The following ACIN1 variants were observed in gnomAD, a reference collection of about 807,000 sequenced individuals.
The protein encoded by ACIN1 is apoptotic chromatin condensation inducer in the nucleus.
Under a neutral mutation model 146.6 loss-of-function variants are expected in ACIN1, and 16 were observed. The ratio of observed to expected loss-of-function variants is 0.11; its 90% CI spans 0.07 to 0.17. The LOEUF (loss-of-function observed/expected upper bound fraction) is 0.17. ACIN1 is among the 10% of genes least tolerant of loss of function. ACIN1 has a pLI of 1.00. For synonymous variants in ACIN1, 569 were observed against 582.7 expected (o/e 0.98, Z 0.34); for missense variants, 1,357 against 1,609.3 (o/e 0.84, Z 2.68).
chr14:23,063,335 T>C (rs943658021), intron 13 of ACIN1, 101 bp downstream of exon 13: 138 of 1,438,648 alleles, frequency 9.6e-5, no homozygotes, highest in Non-Finnish European at 1.2e-4. Flanking sequence ...CGAAAAAATA[T>C]AATGAAAGGC....
At chr14:23,077,287 C>CA (rs928848672) in intron 8 of ACIN1, among the ~76,000 whole-genome samples, 1 of 152,114 alleles carries the variant, frequency 6.6e-6, no homozygotes, top group African/African-American at 2.4e-5. Flanking sequence ...GTTAATATGG[C>CA]ATAAAAACAA....
chr14:23,081,728 T>G lies in ACIN1; in HGVS notation c.525+20A>C. ...AAAGCATTACTGAAGAGGTAATGCT[T>G]TAGGAGGTATCTGAGTTACCTGTCT... On this transcript the variant is annotated intron_variant, in intron 5 of 18. Transcript: ENST00000605057. 1.3e-6 allele frequency: 2 copies of G among 1,587,000 alleles called. No individual in the cohort carries two copies. The highest frequency in any genetic ancestry group is 1.7e-6 in the Non-Finnish European group (2 of 1,160,390).
Position 23,067,716 on chromosome 14 carries a change from C to CTATG in ACIN1, c.2266-1712_2266-1709dup. ...TTTATCGTGAGAGGCAGGCAGGACC[C>CTATG]TATGTCCACCAGTGGCAAGCTGCAG... On this transcript the variant is annotated intron_variant, in intron 9 of 18. Coordinates refer to ENST00000605057, the MANE Select transcript of ACIN1 (RefSeq NM_001386863.1). This position sits in a 1 kb window ranked among gnomAD's most constrained non-coding sequence, Gnocchi z 4.6. The CTATG allele has an allele frequency of 1.1e-5, 11 of 985,918 alleles. No individual in the cohort carries two copies. Among genetic ancestry groups the CTATG allele is most frequent in the Non-Finnish European group, 1.3e-5 (11 of 830,020 alleles). The allele number at this position is 985,918 out of a possible 1,614,324, so 61.1% of individuals were successfully genotyped here. A position where few individuals can be genotyped will look rare whatever the true frequency, so the allele number is the denominator to read the frequency against.
chr14:23,089,450 A>C (rs1274477025), intron 4 of ACIN1, among the ~76,000 whole-genome samples: 1 of 152,204 alleles, frequency 6.6e-6, no homozygotes, highest in Non-Finnish European at 1.5e-5. Context: ...TAATATGCTC[A>C]CATAATACTC....
rs778593239 is a variant in ACIN1 at position 23,079,941 on chromosome 14, T to C, written c.1394A>G (p.Asp465Gly). 7 of 1,614,070 alleles carry C rather than the reference T, an allele frequency of 4.3e-6. No homozygotes were observed. The East Asian group carries it at 8.9e-5, about 21-fold the overall frequency. ...SAQKDLEPES[D>G]RSAQPLPLKI... ...TAGAGGGAGGGGCTGAGCAGATCTG[T>C]CTGACTCAGGTTCAAGATCCTTCTG... Residue 465 changes from aspartate (D) to glycine (G), a missense_variant, in exon 6 of 19, where the codon GAC (aspartate) becomes GGC (glycine). Physicochemically the swap from Asp to Gly is moderately conservative, Grantham distance 94. This residue lies in a region of ACIN1 where 771 missense variants were observed against 746.6 expected (regional missense o/e 1.03). Transcript: ENST00000605057.
At chr14:23,059,856 GT>G (rs200987875) in intron 18 of ACIN1, among the ~76,000 whole-genome samples, 20,749 of 151,280 alleles carry the variant, frequency 0.14, 1,838 homozygotes, top group African/African-American at 0.25. Flanking sequence ...GGGCTTCACC[GT>G]TGTTAGCCAG....
In ACIN1 at chr14:23,072,437, G is replaced by C. The variant is rs895213907; in HGVS notation, c.2124-2820C>G. On this transcript the variant is annotated intron_variant, in intron 8 of 18. Coordinates refer to ENST00000605057, the MANE Select transcript of ACIN1 (RefSeq NM_001386863.1). ...AAGTAGATAAGACAGTGAAGTGAGA[G>C]TGCTGCTATATGGGGCGGGGAAGAT... Among the ~76,000 whole-genome samples the C allele has an allele frequency of 3.3e-5, 5 of 152,168 alleles. No individual in the cohort carries two copies. In the East Asian group the frequency reaches 5.8e-4, roughly 18 times the overall value.
intron 8 of ACIN1, chr14:23,071,249 A>AC: frequency 6.6e-7 from 1 of 1,516,496 alleles, no homozygotes; most frequent in Non-Finnish European, 8.8e-7. Context: ...AAGAAAAAAA[A>AC]CCACACCTTC....
At chr14:23,069,679 G>A (rs1014576971) in intron 8 of ACIN1, 62 bp from the exon 9 acceptor site, 2 of 1,515,212 alleles carry the variant, frequency 1.3e-6, no homozygotes, top group African/African-American at 1.4e-5. Context: ...GGAAGAGAGA[G>A]CAAGATGTTA....
chr14:23,069,691 T>C, intron 8 of ACIN1, 74 bp from the exon 9 acceptor site: 1 of 1,441,422 alleles, frequency 6.9e-7, no homozygotes, highest in Non-Finnish European at 9.5e-7. Context: ...AAGATGTTAG[T>C]TACTGGGTCA....
chr14:23,090,348 T>TC (rs1312395117), intron 3 of ACIN1, among the ~76,000 whole-genome samples, 174 bp downstream of exon 3: 1 of 152,234 alleles, frequency 6.6e-6, no homozygotes, highest in Non-Finnish European at 1.5e-5. Flanking sequence ...TTAAGTGTCC[T>TC]CTTCCCTGAC....
Position 23,079,820 on chromosome 14 carries a change from G to T in ACIN1, c.1515C>A (p.Thr505=). ...EQKEGRRASH[T]LLPSHRLKQS... ...GTTTCAATCTGTGGCTTGGGAGAAGGGTATGAGAAGCTCTTCTGCCTTCCT... is the reference window on the plus strand; with the variant it reads ...GTTTCAATCTGTGGCTTGGGAGAAGTGTATGAGAAGCTCTTCTGCCTTCCT... The change falls in exon 6 of 19, where the codon ACC becomes ACA. Residue 505 remains threonine, a synonymous_variant. Coordinates refer to ENST00000605057, the MANE Select transcript of ACIN1 (RefSeq NM_001386863.1). 1 of 1,614,148 alleles carries T rather than the reference G, an allele frequency of 6.2e-7. No homozygotes were observed. The highest frequency in any genetic ancestry group is 8.5e-7 in the Non-Finnish European group (1 of 1,180,036).
chr14:23,059,238 TCGTTCTCGGTCCCTTTCCCTATCC>T lies in ACIN1; in HGVS notation c.3738_3761del (p.Asp1247_Arg1254del). 1 of 1,613,736 alleles carries T rather than the reference TCGTTCTCGGTCCCTTTCCCTATCC, an allele frequency of 6.2e-7. No individual in the cohort carries two copies. The highest frequency in any genetic ancestry group is 8.5e-7 in the Non-Finnish European group (1 of 1,179,776). ...TGTCCCTGCGATCCCTTTCCCTGCCTCGTTCTCGGTCCCTTTCCCTATCCCGATCTCGGTCCCCCCTGTCCCGCT... is the reference window on the plus strand; with the variant it reads ...TGTCCCTGCGATCCCTTTCCCTGCCTCGATCTCGGTCCCCCCTGTCCCGCT... On this transcript the variant is annotated inframe_deletion, in exon 19 of 19. Coordinates refer to ENST00000605057, the MANE Select transcript of ACIN1 (RefSeq NM_001386863.1).
At position 23,080,083 on chromosome 14, in the gene ACIN1, C is replaced by T. The variant is rs1389861810; in HGVS notation, c.1252G>A (p.Gly418Ser). The change falls in exon 6 of 19, where the codon GGC becomes AGC. Residue 418 changes from glycine to serine, a missense_variant. Gly to Ser is a moderately conservative substitution (Grantham distance 56). Transcript: ENST00000605057. The stretch of plus-strand genomic sequence containing the variant: ...GAAGGACTTGACAAAGGAGACAGGC[C>T]TCCTACCAACTGGACAGTATGCTGA... The part of the protein sequence containing the change: ...VSQHTVQLVG[G>S]LSPLSSPSDT... 5 of 1,614,150 alleles carry T rather than the reference C, an allele frequency of 3.1e-6. No homozygotes were observed. The highest frequency in any genetic ancestry group is 1.7e-5 in the Admixed American group (1 of 60,022).
At chr14:23,085,967 A>C (rs752131076) in intron 4 of ACIN1, among the ~76,000 whole-genome samples, 1 of 152,256 alleles carries the variant, frequency 6.6e-6, no homozygotes, top group Non-Finnish European at 1.5e-5. Context: ...AATGCAGGAT[A>C]TATTAAAGTG....
At position 23,069,629 on chromosome 14, in the gene ACIN1, G is replaced by T. The variant is rs753197824; in HGVS notation, c.2124-12C>A. The T allele has an allele frequency of 3.2e-6, 5 of 1,585,938 alleles. No homozygotes were observed. Among genetic ancestry groups the T allele is most frequent in the Non-Finnish European group, 4.3e-6 (5 of 1,160,470 alleles). On this transcript the variant is annotated splice_polypyrimidine_tract_variant and intron_variant, in intron 8 of 18. Transcript: ENST00000605057. ...CCTCCTTCTCCTCACTGACAGGAGG[G>T]GGGAGTGGTGGTGGGGGGGCGGGCA...
At chr14:23,087,623 C>G (rs2140216165) in intron 4 of ACIN1, among the ~76,000 whole-genome samples, 1 of 152,014 alleles carries the variant, frequency 6.6e-6, no homozygotes, top group South Asian at 2.1e-4. Flanking sequence ...TAAGAACTGA[C>G]AGCCTCTCTT....
intron 4 of ACIN1, among the ~76,000 whole-genome samples, chr14:23,087,000 CA>C (rs1173986657): frequency 6.6e-6 from 1 of 151,638 alleles, no homozygotes; most frequent in African/African-American, 2.4e-5. Flanking sequence ...GCCAGGAATC[CA>C]TATTCTTAAA....
At chr14:23,071,244 A>C (rs2047638347) in intron 8 of ACIN1, 4 of 1,517,452 alleles carry the variant, frequency 2.6e-6, no homozygotes, top group Non-Finnish European at 3.5e-6. Context: ...AAATAAAGAA[A>C]AAAAACCACA....
Sources: allele counts gnomAD v4.1 joint callset (sites outside exome capture counted in the v4.1 genomes callset), GRCh38; gene constraint gnomAD v4.1.1; regional missense constraint gnomAD v4.1.1; non-coding constraint Gnocchi (gnomAD v3.1); transcripts MANE v1.5; gene names NCBI Gene and HGNC (gene_info 2026-07-23, HGNC 2026-07-21).